Variants in WDR72 observed in about 807,000 individuals in gnomAD.
The protein encoded by WDR72 is WD repeat-containing protein 72.
Under a neutral mutation model 124.2 loss-of-function variants are expected in WDR72, and 120 were observed. That is an observed-to-expected ratio of 0.97 (90% CI 0.83 to 1.12). WDR72 has a LOEUF of 1.12. Among genes scored for constraint, WDR72 ranks in the 50% most tolerant of loss-of-function variants. The probability of loss-of-function intolerance (pLI) is 0.00; values close to 1 mark genes in which losing one functional copy is unlikely to be tolerated. For synonymous variants in WDR72, 452 were observed against 441.7 expected (o/e 1.02, Z -0.29); for missense variants, 1,387 against 1,278.8 (o/e 1.08, Z -1.29).
chr15:53,655,426 T>A (rs1365628130), intron 14 of WDR72, among the ~76,000 whole-genome samples: 1 of 152,018 alleles, frequency 6.6e-6, no homozygotes, highest in African/African-American at 2.4e-5. Flanking sequence ...TGGGGAGATG[T>A]CAACTGTCAA....
chr15:53,528,857 CT>C (rs1283499996), intron 18 of WDR72, among the ~76,000 whole-genome samples: 2 of 151,906 alleles, frequency 1.3e-5, no homozygotes, highest in East Asian at 1.9e-4. Context: ...TCAAATTGTT[CT>C]GTTATTCAGG....
At chr15:53,638,647 A>G (rs1050177473) in intron 14 of WDR72, among the ~76,000 whole-genome samples, 1 of 151,114 alleles carries the variant, frequency 6.6e-6, no homozygotes, top group Non-Finnish European at 1.5e-5. Flanking sequence ...ATACTGAAAA[A>G]TCAGAAAATT....
chr15:53,609,317 C>T (rs1255622665), intron 17 of WDR72, among the ~76,000 whole-genome samples, 196 bp downstream of exon 17: 2 of 152,120 alleles, frequency 1.3e-5, no homozygotes, highest in Non-Finnish European at 2.9e-5. Context: ...CAGCCCCGGG[C>T]ATTCACGCTC....
In WDR72 at chr15:53,716,600, T is replaced by C. The variant is rs1170468151; in HGVS notation, c.339+7A>G. The stretch of plus-strand genomic sequence containing the variant: ...AGAAATGCCCTGAAGGAAGTGAGTG[T>C]ACTTACACAGATTGCAGTGTGCCTG... On this transcript the variant is annotated splice_region_variant and intron_variant, in intron 4 of 19. Transcript: ENST00000360509. 2 of 1,588,630 alleles carry C rather than the reference T, an allele frequency of 1.3e-6. No individual in the cohort carries two copies. The highest frequency in any genetic ancestry group is 3.3e-5 in the Admixed American group (2 of 59,986).
intron 14 of WDR72, among the ~76,000 whole-genome samples, chr15:53,649,367 G>C (rs918363674): frequency 6.6e-6 from 1 of 152,032 alleles, no homozygotes; most frequent in Non-Finnish European, 1.5e-5. Flanking sequence ...AAATTAATGG[G>C]AATTTTAATT....
intron 13 of WDR72, among the ~76,000 whole-genome samples, chr15:53,666,909 G>A (rs1007235217): frequency 1.3e-5 from 2 of 152,152 alleles, no homozygotes; most frequent in Non-Finnish European, 2.9e-5. Context: ...ATCAGTAACA[G>A]TTACTGTGCT....
At position 53,517,760 on chromosome 15, in the gene WDR72, A is replaced by G. The variant is rs753400009; in HGVS notation, c.3254-6T>C. The G allele has an allele frequency of 6.2e-7, 1 of 1,612,744 alleles. No individual in the cohort carries two copies. Among genetic ancestry groups the G allele is most frequent in the Non-Finnish European group, 8.5e-7 (1 of 1,179,032 alleles). On this transcript the variant is annotated splice_region_variant and splice_polypyrimidine_tract_variant and intron_variant, in intron 19 of 19. Transcript: ENST00000360509. ...TGAATGATGCCTTGGCTCACCTAGG[A>G]AAAAAGCAGATATCTTGGGTTATAT...
chr15:53,719,059 C>T (rs2017798959), intron 3 of WDR72, among the ~76,000 whole-genome samples: 1 of 152,080 alleles, frequency 6.6e-6, no homozygotes, highest in African/African-American at 2.4e-5. Context: ...ACCATTCTTC[C>T]ATACACTTTC....
At chr15:53,560,169 G>A (rs779083141) in intron 18 of WDR72, among the ~76,000 whole-genome samples, 4 of 151,868 alleles carry the variant, frequency 2.6e-5, no homozygotes, top group African/African-American at 4.8e-5. Context: ...AAAGCTGTCC[G>A]ATGGCTTTCT....
chr15:53,622,055 A>G (rs1287005321), intron 14 of WDR72, among the ~76,000 whole-genome samples: 1 of 152,234 alleles, frequency 6.6e-6, no homozygotes, highest in Non-Finnish European at 1.5e-5. Context: ...AGAGAAATGC[A>G]AATCAAAACA....
chr15:53,597,103 C>T lies in WDR72; in HGVS notation c.3124G>A (p.Val1042Ile). The stretch of plus-strand genomic sequence containing the variant: ...CTTTGCAGAGGCAAAGTGTTTCTAA[C>T]ACACTGTAACTCTAGTTCTTCTGTC... ...EWTEELELQC[V>I]RNTLPLQTPV... The change falls in exon 18 of 20, where the codon GTT (valine) becomes ATT (isoleucine). Residue 1042 changes from valine to isoleucine, a missense_variant. Coordinates refer to ENST00000360509, the MANE Select transcript of WDR72 (RefSeq NM_182758.4). 1.9e-6 allele frequency: 3 copies of T among 1,613,790 alleles called. No individual in the cohort carries two copies. Among genetic ancestry groups the T allele is most frequent in the African/African-American group, 1.3e-5 (1 of 75,030 alleles).
upstream of WDR72, chr15:53,762,555 A>T (rs1595894955): frequency 1.3e-5 from 2 of 152,360 alleles, no homozygotes; most frequent in Non-Finnish European, 2.9e-5. Flanking sequence ...CTCTTTAATG[A>T]ATTTCCCTCA....
At chr15:53,722,545 G>T (rs1311106467) in intron 3 of WDR72, among the ~76,000 whole-genome samples, 1 of 152,152 alleles carries the variant, frequency 6.6e-6, no homozygotes. Context: ...AGTGCTACAA[G>T]TTCTGATACA....
chr15:53,683,242 T>C lies in WDR72; in HGVS notation c.1765+16508A>G, dbSNP rs28470509. Among the ~76,000 whole-genome samples, 1,410 of 152,162 alleles carry C rather than the reference T, an allele frequency of 9.3e-3. 18 individuals carry two copies. The highest frequency in any genetic ancestry group is 0.033 in the African/African-American group (1,369 of 41,514). Reference sequence around the variant, plus strand: ...CAAACCCTATCAGGGTATACACACATACTTAGAAGGCGTAAGTTCTGATGT... The same window carrying C: ...CAAACCCTATCAGGGTATACACACACACTTAGAAGGCGTAAGTTCTGATGT... On this transcript the variant is annotated intron_variant, in intron 13 of 19. Transcript: ENST00000360509.
chr15:53,592,645 G>C (rs1360387998), intron 18 of WDR72, among the ~76,000 whole-genome samples: 1 of 151,984 alleles, frequency 6.6e-6, no homozygotes, highest in Non-Finnish European at 1.5e-5. Context: ...CAACCACATG[G>C]TTTAGCATGA....
intron 18 of WDR72, among the ~76,000 whole-genome samples, chr15:53,554,469 T>G (rs890375881): frequency 2.0e-5 from 3 of 152,178 alleles, no homozygotes; most frequent in African/African-American, 7.2e-5. Context: ...TTCAATTTGC[T>G]GTAACTGAAT....
At chr15:53,595,371 G>C (rs1387916709) in intron 18 of WDR72, among the ~76,000 whole-genome samples, 7 of 152,040 alleles carry the variant, frequency 4.6e-5, no homozygotes, top group African/African-American at 1.7e-4. Flanking sequence ...TCCCAACTCA[G>C]CCTCCCAAGT....
chr15:53,672,602 T>G (rs570229080), intron 13 of WDR72, among the ~76,000 whole-genome samples: 1 of 152,162 alleles, frequency 6.6e-6, no homozygotes, highest in Non-Finnish European at 1.5e-5. Context: ...TGACATGTAG[T>G]GTGAAGGATG....
intron 18 of WDR72, among the ~76,000 whole-genome samples, chr15:53,557,496 T>C (rs1449100569): frequency 6.6e-6 from 1 of 152,084 alleles, no homozygotes; most frequent in East Asian, 1.9e-4. Flanking sequence ...TGGAAGGCGA[T>C]GTTCAGAAGA....
Sources: allele counts gnomAD v4.1 joint callset (sites outside exome capture counted in the v4.1 genomes callset), GRCh38; gene constraint gnomAD v4.1.1; transcripts MANE v1.5; gene names NCBI Gene and HGNC (gene_info 2026-07-23, HGNC 2026-07-21).